The following SULT2B1 variants were observed in gnomAD, a reference collection of about 807,000 sequenced individuals.
SULT2B1 encodes sulfotransferase 2B1.
Under a neutral mutation model 33.2 loss-of-function variants are expected in SULT2B1, and 16 were observed. That is an observed-to-expected ratio of 0.48 (90% CI 0.33 to 0.73). SULT2B1 has a LOEUF of 0.73. Ranked by LOEUF, SULT2B1 falls within the 30% of genes least tolerant of loss-of-function variation. SULT2B1 has a pLI of 0.02. For synonymous variants in SULT2B1, 186 were observed against 200.5 expected (o/e 0.93, Z 0.61); for missense variants, 500 against 506.0 (o/e 0.99, Z 0.11).
intron 3 of SULT2B1, among the ~76,000 whole-genome samples, chr19:48,588,394 C>T (rs1447521030): frequency 6.6e-6 from 1 of 151,650 alleles, no homozygotes; most frequent in Non-Finnish European, 1.5e-5. Flanking sequence ...TGCCTGTAAT[C>T]CCAGCTACTT....
intron 1 of SULT2B1, chr19:48,575,494 T>C (rs1247608428): frequency 6.7e-6 from 1 of 149,836 alleles, no homozygotes; most frequent in East Asian, 2.0e-4. Flanking sequence ...ATATATATTT[T>C]GAGATGGAGT....
chr19:48,587,156 T>C (rs1973573282), intron 2 of SULT2B1, 73 bp from the exon 3 acceptor site: 1 of 1,117,890 alleles, frequency 8.9e-7, no homozygotes, highest in African/African-American at 1.6e-5. Context: ...TAAGTGCTGT[T>C]GTGATTATTC....
intron 1 of SULT2B1, among the ~76,000 whole-genome samples, chr19:48,566,343 C>A (rs1453731372): frequency 6.6e-6 from 1 of 152,110 alleles, no homozygotes; most frequent in Admixed American, 6.6e-5. Flanking sequence ...TTTGGGCTCC[C>A]AAAATGCTGG....
At chr19:48,553,301 T>C (rs1973051916) in intron 1 of SULT2B1, among the ~76,000 whole-genome samples, 1 of 152,116 alleles carries the variant, frequency 6.6e-6, no homozygotes, top group Admixed American at 6.5e-5. Context: ...GCCTCATTCC[T>C]TTCTTATTTT....
rs755020765 is a variant in SULT2B1, at chr19:48,575,992, C to T, written c.123C>T (p.Val41=). The T allele has an allele frequency of 3.7e-6, 6 of 1,613,924 alleles. No homozygotes were observed. Among genetic ancestry groups the T allele is most frequent in the East Asian group, 2.2e-5 (1 of 44,878 alleles). ...GGTACAAGGGCGTCCCCTTCCCCGT[C>T]GGCCTGTACTCGCTCGAGAGCATCA... ...YFRYKGVPFP[V]GLYSLESISL... Residue 41 remains valine (V), a synonymous_variant, in exon 2 of 7, where the codon GTC becomes GTT. Transcript: ENST00000201586.
At chr19:48,573,370 G>A (rs2147609311) in intron 1 of SULT2B1, among the ~76,000 whole-genome samples, 1 of 152,104 alleles carries the variant, frequency 6.6e-6, no homozygotes, top group South Asian at 2.1e-4. Flanking sequence ...GCCAGGCCCT[G>A]GACGTGTTTT....
In SULT2B1 at chr19:48,587,890, CAAAAAAAAAAAAAAAAA is replaced by C. The variant is rs67551728; in HGVS notation, c.423+470_423+486del. On this transcript the variant is annotated intron_variant, in intron 3 of 6. Coordinates refer to ENST00000201586, the MANE Select transcript of SULT2B1 (RefSeq NM_177973.2). The stretch of plus-strand genomic sequence containing the variant: ...CCTAGGCAACAGGGCAAGACTGTCT[CAAAAAAAAAAAAAAAAA>C]AAAAAAAAAAAAAAAAGCCGGTGCT... Among the ~76,000 whole-genome samples the C allele has an allele frequency of 2.3e-4, 9 of 39,908 alleles. 1 individual carries two copies. Among genetic ancestry groups the C allele is most frequent in the Middle Eastern group, 0.056 (2 of 36 alleles). The allele number at this position is 39,908 out of a possible 152,430, so 26.2% of individuals were successfully genotyped here.
intron 1 of SULT2B1, among the ~76,000 whole-genome samples, chr19:48,561,934 GC>G (rs1973187901): frequency 6.6e-6 from 1 of 152,004 alleles, no homozygotes; most frequent in Non-Finnish European, 1.5e-5. Context: ...GGTCAACATG[GC>G]AAAAACCCCA....
chr19:48,591,286 C>G (rs1257558302), intron 3 of SULT2B1: 2 of 194,294 alleles, frequency 1.0e-5, no homozygotes, highest in Non-Finnish European at 2.1e-5. Flanking sequence ...GAGTAACCAA[C>G]ATGGTAAAAC....
At chr19:48,576,879 G>A (rs1214299353) in intron 2 of SULT2B1, among the ~76,000 whole-genome samples, 8 of 149,766 alleles carry the variant, frequency 5.3e-5, no homozygotes, top group African/African-American at 1.7e-4. Flanking sequence ...GGGCTCAAGC[G>A]ATCTTCCTGC....
chr19:48,571,629 A>G (rs1167917064), intron 1 of SULT2B1, among the ~76,000 whole-genome samples: 1 of 145,944 alleles, frequency 6.9e-6, no homozygotes, highest in East Asian at 1.9e-4. Flanking sequence ...ACAAGACAGA[A>G]CAATAACAAA....
intron 1 of SULT2B1, among the ~76,000 whole-genome samples, chr19:48,568,691 G>C (rs148081171): frequency 5.7e-4 from 87 of 152,272 alleles, no homozygotes; most frequent in Non-Finnish European, 1.0e-3. Context: ...AGCTCAGGCT[G>C]GTGGTGGGGG....
intron 1 of SULT2B1, among the ~76,000 whole-genome samples, chr19:48,567,523 G>A (rs1411987447): frequency 1.3e-5 from 2 of 152,014 alleles, no homozygotes; most frequent in African/African-American, 4.8e-5. Context: ...GATCATGCCT[G>A]GGCGACAGAG....
chr19:48,584,637 G>A (rs1973539521), intron 2 of SULT2B1, among the ~76,000 whole-genome samples: 1 of 152,234 alleles, frequency 6.6e-6, no homozygotes, highest in East Asian at 1.9e-4. Context: ...GGATGTGGTG[G>A]CTTACGCCTG....
chr19:48,557,780 A>G (rs1233702602), intron 1 of SULT2B1, among the ~76,000 whole-genome samples: 6 of 146,944 alleles, frequency 4.1e-5, no homozygotes, highest in African/African-American at 1.5e-4. Context: ...TCAGCCGGGC[A>G]TGGTGGTGCA....
At chr19:48,576,131 G>T in intron 2 of SULT2B1, 48 bp downstream of exon 2, 1 of 1,496,364 alleles carries the variant, frequency 6.7e-7, no homozygotes, top group Non-Finnish European at 9.2e-7. Flanking sequence ...GTGGGGAGGG[G>T]GTGCGGCAGA....
At chr19:48,576,364 T>TTTCTTTC (rs1973408890) in intron 2 of SULT2B1, among the ~76,000 whole-genome samples, 1 of 56,536 alleles carries the variant, frequency 1.8e-5, no homozygotes, top group Non-Finnish European at 3.6e-5. Context: ...CTTCTCTTTT[T>TTTCTTTC]TTTTTTTTTT....
intron 2 of SULT2B1, among the ~76,000 whole-genome samples, chr19:48,577,652 G>A (rs914306887): frequency 5.3e-5 from 8 of 151,692 alleles, no homozygotes; most frequent in Non-Finnish European, 7.4e-5. Flanking sequence ...GTGTGAGCCC[G>A]GTCAATAAGT....
At chr19:48,557,860 G>A (rs1019020814) in intron 1 of SULT2B1, among the ~76,000 whole-genome samples, 7 of 151,940 alleles carry the variant, frequency 4.6e-5, no homozygotes, top group African/African-American at 9.7e-5. Flanking sequence ...CGGAGGTTGC[G>A]GTGAGTCGAG....
Sources: allele counts gnomAD v4.1 joint callset (sites outside exome capture counted in the v4.1 genomes callset), GRCh38; gene constraint gnomAD v4.1.1; transcripts MANE v1.5; gene names NCBI Gene and HGNC (gene_info 2026-07-23, HGNC 2026-07-21).